The following MYO3B variants were observed in gnomAD, a reference collection of about 807,000 sequenced individuals.
MYO3B encodes the protein myosin-IIIb.
In MYO3B, 156 loss-of-function variants were observed where a neutral mutation model predicts 174.6. That is an observed-to-expected ratio of 0.89 (90% confidence interval 0.78 to 1.02). The LOEUF (loss-of-function observed/expected upper bound fraction) is 1.02. MYO3B is among the 50% of genes least tolerant of loss of function. The probability of loss-of-function intolerance (pLI) is 0.00; values close to 1 mark genes in which losing one functional copy is unlikely to be tolerated. For missense variants in MYO3B, 1,632 were observed against 1,639.4 expected, an observed-to-expected ratio of 1.00 and a Z score of 0.08; for synonymous variants, 563 against 569.1, an observed-to-expected ratio of 0.99 and a Z score of 0.15.
rs150503347 is a variant in MYO3B at position 170,490,843 on chromosome 2, A to T, written c.3015-7749A>T. ...TTTCTCTTTAGCTTATTGGTATGGC[A>T]TAAAGTCATTCACAATATTTCCCTG... On this transcript the variant is annotated intron_variant, in intron 25 of 34. Coordinates refer to ENST00000408978, the MANE Select transcript of MYO3B (RefSeq NM_138995.5). 3.9e-5 allele frequency among the ~76,000 whole-genome samples: 6 copies of T among 152,240 alleles called. No individual in the cohort carries two copies. The East Asian group carries it at 9.6e-4, about 24-fold the overall frequency.
In MYO3B at chr2:170,392,392, A is replaced by T. The variant is rs2094418245; in HGVS notation, c.1688A>T (p.Asp563Val). The T allele has an allele frequency of 6.3e-7, 1 of 1,598,986 alleles. No individual in the cohort carries two copies. The highest frequency in any genetic ancestry group is 1.1e-5 in the South Asian group (1 of 87,882). ...TCCACTTCATTTAGGTACATAGCTG[A>T]TGAAACTGGAAGGGTGATGCACGAC... ...PEEKPPRYIA[D>V]ETGRVMHDIT... The change falls in exon 16 of 35, where the codon GAT (aspartate) becomes GTT (valine). Residue 563 changes from aspartate (D) to valine (V), a missense_variant. By Grantham distance (152) the Asp-to-Val change is radical. Coordinates refer to ENST00000408978, the MANE Select transcript of MYO3B (RefSeq NM_138995.5).
chr2:170,446,939 G>A (rs1486966904), intron 23 of MYO3B, among the ~76,000 whole-genome samples: 2 of 152,170 alleles, frequency 1.3e-5, no homozygotes, highest in Non-Finnish European at 2.9e-5. Context: ...TGATTTAATG[G>A]TATTAAACTG....
chr2:170,574,828 T>C (rs1692685937), intron 32 of MYO3B, among the ~76,000 whole-genome samples: 1 of 152,168 alleles, frequency 6.6e-6, no homozygotes, highest in Non-Finnish European at 1.5e-5. Flanking sequence ...CTTACCCCTG[T>C]TTCACTGAAG....
At chr2:170,575,619 A>G (rs1692737916) in intron 32 of MYO3B, among the ~76,000 whole-genome samples, 1 of 152,228 alleles carries the variant, frequency 6.6e-6, no homozygotes, top group African/African-American at 2.4e-5. Flanking sequence ...GGCTGTCCCT[A>G]AACAGATATG....
chr2:170,577,055 T>C (rs1488746610), intron 32 of MYO3B, among the ~76,000 whole-genome samples: 1 of 152,140 alleles, frequency 6.6e-6, no homozygotes, highest in African/African-American at 2.4e-5. Flanking sequence ...TTCAGTTGCA[T>C]AAGGAAGCCA....
At chr2:170,620,951 G>A (rs1228800584) in intron 32 of MYO3B, among the ~76,000 whole-genome samples, 1 of 151,860 alleles carries the variant, frequency 6.6e-6, no homozygotes, top group Non-Finnish European at 1.5e-5. Context: ...TGCAGTGGCG[G>A]GATCTCGGCT....
chr2:170,386,211 G>A lies in MYO3B; in HGVS notation c.1313G>A (p.Ser438Asn), dbSNP rs1291190319. ...KDQCIVISGESGSGKTESAHL... is the reference protein window; with the variant it reads ...KDQCIVISGENGSGKTESAHL... ...CAGTGCATTGTCATCAGCGGAGAGA[G>A]TGGCTCTGGGAAGACAGAAAGCGCC... The change falls in exon 13 of 35, where the codon AGT (serine) becomes AAT (asparagine). Residue 438 changes from serine to asparagine, a missense_variant. Transcript: ENST00000408978. 1 of 1,613,610 alleles carries A rather than the reference G, an allele frequency of 6.2e-7. No homozygotes were observed. Among genetic ancestry groups the A allele is most frequent in the Admixed American group, 1.7e-5 (1 of 59,982 alleles).
At chr2:170,355,161 G>A (rs1267630172) in intron 8 of MYO3B, among the ~76,000 whole-genome samples, 1 of 152,184 alleles carries the variant, frequency 6.6e-6, no homozygotes, top group African/African-American at 2.4e-5. Context: ...GACAGGCATG[G>A]TAGTGGTTTG....
At chr2:170,497,026 C>T (rs6725054) in intron 25 of MYO3B, among the ~76,000 whole-genome samples, 139,823 of 152,204 alleles carry the variant, frequency 0.92, 65,328 homozygotes, top group East Asian at 1. Flanking sequence ...CAGGACACAC[C>T]ACCCCCAAAT....
chr2:170,568,540 T>G (rs1267480471), intron 32 of MYO3B, among the ~76,000 whole-genome samples: 2 of 152,232 alleles, frequency 1.3e-5, no homozygotes, highest in African/African-American at 4.8e-5. Context: ...GATCTTCTTT[T>G]GCCCAAATAA....
At chr2:170,426,878 G>A (rs1240772157) in intron 22 of MYO3B, among the ~76,000 whole-genome samples, 2 of 152,140 alleles carry the variant, frequency 1.3e-5, no homozygotes, top group Non-Finnish European at 2.9e-5. Flanking sequence ...AATTAGCCAG[G>A]CGTGGTGGCA....
intron 5 of MYO3B, among the ~76,000 whole-genome samples, chr2:170,216,891 A>G (rs5017766): frequency 0.15 from 5,024 of 34,312 alleles, 302 homozygotes; most frequent in East Asian, 0.43. Flanking sequence ...CCATTAGGGA[A>G]AAAAAAAAAT....
intron 22 of MYO3B, among the ~76,000 whole-genome samples, chr2:170,428,458 G>A (rs2094682969): frequency 6.6e-6 from 1 of 152,204 alleles, no homozygotes; most frequent in South Asian, 2.1e-4. Context: ...CTGGATGGAA[G>A]CCTAACAATA....
At chr2:170,248,194 A>G (rs1266753127) in intron 7 of MYO3B, among the ~76,000 whole-genome samples, 4 of 152,086 alleles carry the variant, frequency 2.6e-5, no homozygotes, top group Non-Finnish European at 5.9e-5. Flanking sequence ...TGATGAAAAT[A>G]TCTCTTTCTT....
At chr2:170,582,945 G>T (rs1693243141) in intron 32 of MYO3B, among the ~76,000 whole-genome samples, 2 of 151,894 alleles carry the variant, frequency 1.3e-5, no homozygotes, top group African/African-American at 2.4e-5. Flanking sequence ...GCAGTAGCTT[G>T]GCTAGGAGAC....
At chr2:170,215,273 A>T (rs976643085) in intron 5 of MYO3B, among the ~76,000 whole-genome samples, 1 of 152,194 alleles carries the variant, frequency 6.6e-6, no homozygotes, top group Admixed American at 6.5e-5. Flanking sequence ...CTGGGAGCTA[A>T]CATCCTTTTA....
chr2:170,570,732 T>A (rs1028034619), intron 32 of MYO3B, among the ~76,000 whole-genome samples: 2 of 152,188 alleles, frequency 1.3e-5, no homozygotes, highest in Admixed American at 1.3e-4. Flanking sequence ...GAAACAGTCA[T>A]TTGCGCGTTA....
rs576253414 is a variant in MYO3B at position 170,577,367 on chromosome 2, T to C, written c.3733+33379T>C. 7.9e-5 allele frequency among the ~76,000 whole-genome samples: 12 copies of C among 151,434 alleles called. No individual in the cohort carries two copies. In the South Asian group the frequency reaches 2.5e-3, roughly 32 times the overall value. On this transcript the variant is annotated intron_variant, in intron 32 of 34. Transcript: ENST00000408978. ...ATGTTCACATATCCAGTGGGCCTTA[T>C]TATACATCTGTTACCTGGCAGGCAC...
In MYO3B at chr2:170,514,973, G is replaced by C. The variant is rs538996533; in HGVS notation, c.3423G>C (p.Thr1141=). The stretch of plus-strand genomic sequence containing the variant: ...CACATTCCCCCGTCGCAGCAGGTAC[G>C]AGGGGAAGTGCCGAGGTTCAAGACT... The part of the protein sequence containing the change: ...SGPHSPVAAG[T]RGSAEVQDCS... Residue 1141 remains threonine, a synonymous_variant, in exon 29 of 35, where the codon ACG becomes ACC. Transcript: ENST00000408978. The C allele has an allele frequency of 6.2e-7, 1 of 1,614,076 alleles. No homozygotes were observed. The highest frequency in any genetic ancestry group is 8.5e-7 in the Non-Finnish European group (1 of 1,179,966).
Sources: gnomAD v4.1 joint callset for allele counts (sites outside exome capture counted in the v4.1 genomes callset) on GRCh38, gnomAD v4.1.1 for gene constraint, MANE v1.5 for transcripts, NCBI Gene and HGNC (gene_info 2026-07-23, HGNC 2026-07-21) for gene names.